The following NF2 variants were observed in gnomAD, a reference collection of about 807,000 sequenced individuals.
The protein encoded by NF2 is NF2, moesin-ezrin-radixin like (MERLIN) tumor suppressor, also known as merlin.
Under a neutral mutation model 83.7 loss-of-function variants are expected in NF2, and 8 were observed. That is an observed-to-expected ratio of 0.10 (90% CI 0.06 to 0.17). The LOEUF is 0.17. Ranked by LOEUF, NF2 falls within the 10% of genes least tolerant of loss-of-function variation. The probability of loss-of-function intolerance (pLI) is 1.00; values close to 1 mark genes in which losing one functional copy is unlikely to be tolerated. For missense variants in NF2, 533 were observed against 744.4 expected, an observed-to-expected ratio of 0.72 and a Z score of 3.31; for synonymous variants, 266 against 269.6, an observed-to-expected ratio of 0.99 and a Z score of 0.13.
In NF2 at chr22:29,622,560, T is replaced by G. The variant is rs183165176; in HGVS notation, c.115-14191T>G. Among the ~76,000 whole-genome samples the G allele has an allele frequency of 2.8e-4, 43 of 152,218 alleles. No homozygotes were observed. In the East Asian group the frequency reaches 7.1e-3, roughly 25 times the overall value. On this transcript the variant is annotated intron_variant, in intron 1 of 15. Transcript: ENST00000338641. Reference sequence around the variant, plus strand: ...TCTTTCATGTATGGATTTTGAAAAGTTAGTTAACTGTTCAGACGACATTGT... The same window carrying G: ...TCTTTCATGTATGGATTTTGAAAAGGTAGTTAACTGTTCAGACGACATTGT...
chr22:29,652,159 A>G (rs1286974472), intron 4 of NF2, among the ~76,000 whole-genome samples: 1 of 152,160 alleles, frequency 6.6e-6, no homozygotes, highest in Non-Finnish European at 1.5e-5. Flanking sequence ...AAGGCCTCAG[A>G]AGGGGTACTT....
chr22:29,670,936 C>G (rs914001409), intron 10 of NF2, among the ~76,000 whole-genome samples: 1 of 152,076 alleles, frequency 6.6e-6, no homozygotes, highest in Non-Finnish European at 1.5e-5. Flanking sequence ...TGCAGCTCCC[C>G]CCTGTGAAAT....
At chr22:29,612,184 T>A (rs1218537432) in intron 1 of NF2, among the ~76,000 whole-genome samples, 1 of 152,006 alleles carries the variant, frequency 6.6e-6, no homozygotes, top group Non-Finnish European at 1.5e-5. Context: ...ATTTTTGTAT[T>A]TTTAGTATAG....
intron 1 of NF2, among the ~76,000 whole-genome samples, chr22:29,605,151 A>ATT (rs34646924): frequency 2.9e-5 from 3 of 101,878 alleles, no homozygotes; most frequent in Non-Finnish European, 5.7e-5. Context: ...CACCTGGCTA[A>ATT]TTTTTTTTTT....
Position 29,674,877 on chromosome 22 carries a change from C to A in NF2, c.1382C>A (p.Ala461Glu). The A allele has an allele frequency of 6.4e-7, 1 of 1,571,878 alleles. No homozygotes were observed. Residue 461 changes from alanine to glutamate, a missense_variant, in exon 13 of 16, where the codon GCA (alanine) becomes GAA (glutamate). This residue lies in a region of NF2 where 199 missense variants were observed against 240.7 expected (regional missense o/e 0.83). Transcript: ENST00000338641. ...ADQLKQDLQEAREAERRAKQK... is the reference protein window; with the variant it reads ...ADQLKQDLQEEREAERRAKQK... ...CAGCTGAAGCAGGACCTGCAGGAAG[C>A]ACGCGAGGCGGAGCGAAGAGCCAAG... is the stretch of plus-strand genomic sequence containing the variant.
chr22:29,622,057 G>A (rs2065229618), intron 1 of NF2, among the ~76,000 whole-genome samples: 1 of 152,194 alleles, frequency 6.6e-6, no homozygotes, highest in Non-Finnish European at 1.5e-5. Context: ...AAGAGAAGTA[G>A]GAGAGAAAAA....
chr22:29,658,356 G>T (rs2066377161), intron 7 of NF2, 92 bp downstream of exon 7: 17 of 1,077,148 alleles, frequency 1.6e-5, no homozygotes, highest in Non-Finnish European at 2.3e-5. Flanking sequence ...ATTCCAAGGC[G>T]ATAGACTCTT....
chr22:29,693,440 A>G (rs879836680), intron 15 of NF2, among the ~76,000 whole-genome samples: 2 of 152,218 alleles, frequency 1.3e-5, no homozygotes, highest in African/African-American at 2.4e-5. Context: ...TTCTGAGCAC[A>G]CTAATGCTGT....
intron 1 of NF2, among the ~76,000 whole-genome samples, chr22:29,625,770 T>C (rs2065351165): frequency 6.6e-6 from 1 of 152,242 alleles, no homozygotes; most frequent in Non-Finnish European, 1.5e-5. Flanking sequence ...CACTAGGTGG[T>C]GCCAGACTGC....
At chr22:29,606,250 T>C (rs532657104) in intron 1 of NF2, among the ~76,000 whole-genome samples, 10 of 152,272 alleles carry the variant, frequency 6.6e-5, no homozygotes, top group African/African-American at 2.4e-4. Flanking sequence ...CACTGTGCCC[T>C]GCGAAAAGTT....
intron 4 of NF2, among the ~76,000 whole-genome samples, chr22:29,644,787 G>T (rs546069448): frequency 6.6e-6 from 1 of 152,368 alleles, no homozygotes; most frequent in Admixed American, 6.5e-5. Context: ...CAGGCGTGGT[G>T]GCGCGCGCCT....
At chr22:29,638,067 A>C (rs2065695719) in intron 2 of NF2, among the ~76,000 whole-genome samples, 1 of 152,226 alleles carries the variant, frequency 6.6e-6, no homozygotes, top group Non-Finnish European at 1.5e-5. Flanking sequence ...CTCAAGGGAA[A>C]TACATCATGA....
chr22:29,631,047 G>A (rs2065496595), intron 1 of NF2, among the ~76,000 whole-genome samples: 1 of 152,108 alleles, frequency 6.6e-6, no homozygotes, highest in African/African-American at 2.4e-5. Flanking sequence ...TCATTGCTTC[G>A]AATCAGTGAC....
At chr22:29,684,709 G>A (rs1478960896) in intron 15 of NF2, among the ~76,000 whole-genome samples, 1 of 152,096 alleles carries the variant, frequency 6.6e-6, no homozygotes, top group African/African-American at 2.4e-5. Flanking sequence ...CAAACACTCG[G>A]GTTAATCAAG....
chr22:29,649,633 T>G lies in NF2; in HGVS notation c.448-5024T>G, dbSNP rs148128752. On this transcript the variant is annotated intron_variant, in intron 4 of 15. Coordinates refer to ENST00000338641, the MANE Select transcript of NF2 (RefSeq NM_000268.4). Reference sequence around the variant, plus strand: ...GGCATATGCCTGTAATCCCAGCTACTCAGGAGGCTGAGGCACGAGAATCAC... The same window carrying G: ...GGCATATGCCTGTAATCCCAGCTACGCAGGAGGCTGAGGCACGAGAATCAC... Among the ~76,000 whole-genome samples the G allele has an allele frequency of 8.6e-3, 1,315 of 152,156 alleles. 17 individuals are homozygous for G. The highest frequency in any genetic ancestry group is 0.03 in the African/African-American group (1,252 of 41,494).
Position 29,694,767 on chromosome 22 carries a change from G to C in NF2, c.1753G>C (p.Ala585Pro). ...NTIKKLTLQS[A>P]KSRVAFFEEL ...TTTCTTACAGCTCACCTTGCAGAGC[G>C]CCAAGTCCCGAGTGGCCTTCTTTGA... Residue 585 changes from alanine (A) to proline (P), a missense_variant, in exon 16 of 16, where the codon GCC becomes CCC. Around this residue, in one of 3 missense-constraint regions of NF2, gnomAD observed 199 missense variants for 240.7 expected, o/e 0.83. Transcript: ENST00000338641. This position sits in a 1 kb window ranked among gnomAD's most constrained non-coding sequence, Gnocchi z 4.1. The C allele has an allele frequency of 1.9e-6, 3 of 1,613,586 alleles. No homozygotes were observed. Among genetic ancestry groups the C allele is most frequent in the Non-Finnish European group, 2.5e-6 (3 of 1,179,802 alleles).
At chr22:29,664,094 T>G (rs1331116572) in intron 8 of NF2, among the ~76,000 whole-genome samples, 1 of 152,212 alleles carries the variant, frequency 6.6e-6, no homozygotes, top group Non-Finnish European at 1.5e-5. Context: ...TCAGGTATCC[T>G]GTCACATCAA....
chr22:29,660,623 G>T (rs1382127866), intron 7 of NF2, among the ~76,000 whole-genome samples: 1 of 152,182 alleles, frequency 6.6e-6, no homozygotes, highest in African/African-American at 2.4e-5. Context: ...AGGCTGGAGT[G>T]CCGGGGCACC....
intron 14 of NF2, 55 bp downstream of exon 14, chr22:29,678,378 G>A: frequency 1.9e-6 from 3 of 1,606,702 alleles, no homozygotes; most frequent in Non-Finnish European, 2.6e-6. Flanking sequence ...CTGAGTGATT[G>A]GGGCCTTGGG....
Sources: gnomAD v4.1 joint callset for allele counts (sites outside exome capture counted in the v4.1 genomes callset) on GRCh38, gnomAD v4.1.1 for gene constraint, gnomAD v4.1.1 regional missense constraint, Gnocchi (gnomAD v3.1) non-coding constraint, MANE v1.5 for transcripts, NCBI Gene and HGNC (gene_info 2026-07-23, HGNC 2026-07-21) for gene names.